The following MYO1E variants were observed in gnomAD, a reference collection of about 807,000 sequenced individuals.
The protein encoded by MYO1E is unconventional myosin-Ie.
A neutral mutation model predicts 151.1 loss-of-function variants in MYO1E; 68 were observed. The ratio of observed to expected loss-of-function variants is 0.45; its 90% confidence interval spans 0.37 to 0.55. The LOEUF is 0.55. MYO1E is among the 20% of genes least tolerant of loss of function. The pLI is 0.00. For missense variants in MYO1E, 1,363 were observed against 1,389.3 expected (o/e 0.98, Z 0.30); for synonymous variants, 601 against 501.7 (o/e 1.20, Z -2.64).
chr15:59,153,281 CA>C (rs1351290967), intron 26 of MYO1E, among the ~76,000 whole-genome samples: 2 of 152,214 alleles, frequency 1.3e-5, no homozygotes, highest in Non-Finnish European at 2.9e-5. Flanking sequence ...CATTATTCCT[CA>C]ACCATGCAAG....
chr15:59,354,673 A>C (rs2080844046), intron 1 of MYO1E, among the ~76,000 whole-genome samples: 1 of 152,136 alleles, frequency 6.6e-6, no homozygotes, highest in African/African-American at 2.4e-5. Context: ...GGAGCTTTTG[A>C]ACGGATAGTG....
In MYO1E at chr15:59,275,304, T is replaced by C. The variant is rs140788996; in HGVS notation, c.4-2855A>G. On this transcript the variant is annotated intron_variant, in intron 1 of 27. Transcript: ENST00000288235. ...ATTCATGACCACCTCCTCTTAGCAT[T>C]AGAGACTAAAACACCAAAGTTATTT... Among the ~76,000 whole-genome samples the C allele has an allele frequency of 3.7e-4, 57 of 152,312 alleles. 1 individual carries two copies. The East Asian group carries it at 8.7e-3, about 23-fold the overall frequency.
chr15:59,324,670 C>T (rs1191770817), intron 1 of MYO1E, among the ~76,000 whole-genome samples: 2 of 151,584 alleles, frequency 1.3e-5, no homozygotes, highest in Admixed American at 6.6e-5. Context: ...CAAGCCCCCC[C>T]CCCACAGAGG....
chr15:59,151,492 G>C (rs144926149), intron 26 of MYO1E, among the ~76,000 whole-genome samples: 4 of 152,272 alleles, frequency 2.6e-5, no homozygotes, highest in Non-Finnish European at 1.5e-5. Context: ...TAGCCCAAAT[G>C]AAGTGAGATA....
chr15:59,312,509 CTTTGTTT>C (rs1267528730), intron 1 of MYO1E, among the ~76,000 whole-genome samples: 1 of 152,124 alleles, frequency 6.6e-6, no homozygotes, highest in Non-Finnish European at 1.5e-5. Context: ...GAGCACCATT[CTTTGTTT>C]TTTAAGAGAC....
At chr15:59,204,981 A>C (rs1256133034) in intron 15 of MYO1E, among the ~76,000 whole-genome samples, 1 of 152,202 alleles carries the variant, frequency 6.6e-6, no homozygotes, top group African/African-American at 2.4e-5. Flanking sequence ...GGACCTGTAG[A>C]TGGCACTTGG....
At chr15:59,292,504 T>C (rs1042183135) in intron 1 of MYO1E, among the ~76,000 whole-genome samples, 1 of 152,212 alleles carries the variant, frequency 6.6e-6, no homozygotes, top group East Asian at 1.9e-4. Context: ...TACGAAATGC[T>C]ACAGATGGCA....
chr15:59,247,827 A>G (rs1368511198), intron 4 of MYO1E, among the ~76,000 whole-genome samples: 1 of 152,218 alleles, frequency 6.6e-6, no homozygotes, highest in Non-Finnish European at 1.5e-5. Flanking sequence ...AGAAAGTTAA[A>G]TTGGTGAACC....
At chr15:59,151,030 CACACACACACACACACACA>C (rs2140305276) in intron 26 of MYO1E, among the ~76,000 whole-genome samples, 1 of 137,914 alleles carries the variant, frequency 7.3e-6, no homozygotes, top group Admixed American at 7.1e-5. Context: ...CACACACACA[CACACACACACACACACACA>C]CGCGCGCGCG....
intron 1 of MYO1E, among the ~76,000 whole-genome samples, chr15:59,292,102 GTAAAT>G (rs1316176659): frequency 2.0e-5 from 3 of 152,166 alleles, no homozygotes; most frequent in Non-Finnish European, 4.4e-5. Context: ...CTATTGTTAA[GTAAAT>G]TTTGTTTGGT....
intron 1 of MYO1E, among the ~76,000 whole-genome samples, chr15:59,297,318 C>A (rs966113173): frequency 7.9e-5 from 12 of 151,122 alleles, no homozygotes; most frequent in African/African-American, 2.9e-4. Flanking sequence ...GTCACCCAGG[C>A]TGGAATGCAG....
intron 17 of MYO1E, among the ~76,000 whole-genome samples, chr15:59,195,013 G>A (rs1279111165): frequency 2.0e-5 from 3 of 151,812 alleles, no homozygotes; most frequent in African/African-American, 4.8e-5. Flanking sequence ...GTGTCTTCAC[G>A]AGGCACAGCA....
chr15:59,213,136 TTTA>T (rs147109664), intron 12 of MYO1E, among the ~76,000 whole-genome samples: 24,921 of 138,976 alleles, frequency 0.18, 2,213 homozygotes, highest in South Asian at 0.29. Flanking sequence ...GAACTATTTA[TTTA>T]TTATTATTAT....
At chr15:59,286,285 G>C (rs573241630) in intron 1 of MYO1E, among the ~76,000 whole-genome samples, 2 of 152,312 alleles carry the variant, frequency 1.3e-5, no homozygotes, top group East Asian at 3.9e-4. Flanking sequence ...CAAAATGCTG[G>C]AGGTATGCTG....
At chr15:59,275,124 C>A (rs748096832) in intron 1 of MYO1E, among the ~76,000 whole-genome samples, 20 of 152,148 alleles carry the variant, frequency 1.3e-4, no homozygotes, top group Non-Finnish European at 2.5e-4. Flanking sequence ...ACCGAAGATT[C>A]GATGACTATG....
At chr15:59,369,969 C>G (rs1346054302) in intron 1 of MYO1E, among the ~76,000 whole-genome samples, 1 of 151,798 alleles carries the variant, frequency 6.6e-6, no homozygotes, top group Non-Finnish European at 1.5e-5. Context: ...TCTTTTTCTT[C>G]TTCTTCTTCT....
chr15:59,185,238 CTCT>C (rs1282474037), intron 18 of MYO1E, among the ~76,000 whole-genome samples: 2 of 151,682 alleles, frequency 1.3e-5, no homozygotes, highest in African/African-American at 2.4e-5. Context: ...TGTGGGTTGT[CTCT>C]TCATTTTGTG....
At chr15:59,211,113 T>A (rs2079876005) in intron 12 of MYO1E, among the ~76,000 whole-genome samples, 1 of 151,552 alleles carries the variant, frequency 6.6e-6, no homozygotes, top group Non-Finnish European at 1.5e-5. Context: ...GGCAGGAGAA[T>A]TGCTTGAACC....
chr15:59,137,321 C>T lies in MYO1E; in HGVS notation c.*59G>A. 1 of 1,450,340 alleles carries T rather than the reference C, an allele frequency of 6.9e-7. No homozygotes were observed. Among genetic ancestry groups the T allele is most frequent in the Non-Finnish European group, 9.7e-7 (1 of 1,031,054 alleles). The allele number at this position is 1,450,340 out of a possible 1,614,324, so 89.8% of individuals were successfully genotyped here. On this transcript the variant is annotated 3_prime_UTR_variant, in exon 28 of 28. Transcript: ENST00000288235. ...GATTGTAAGGGGAGCCCCTAAATAT[C>T]CCCTCCCCTGGTCTGTGCCTGGAGC...
Sources: allele counts gnomAD v4.1 joint callset (sites outside exome capture counted in the v4.1 genomes callset), GRCh38; gene constraint gnomAD v4.1.1; transcripts MANE v1.5; gene names NCBI Gene and HGNC (gene_info 2026-07-23, HGNC 2026-07-21).